The following SKAP2 variants were observed in gnomAD, a reference collection of about 807,000 sequenced individuals.
SKAP2 encodes src kinase-associated phosphoprotein 2.
In SKAP2, 28 loss-of-function variants were observed where a neutral mutation model predicts 54.9. That is an observed-to-expected ratio of 0.51 (90% CI 0.38 to 0.70). SKAP2 has a LOEUF of 0.70. Among genes scored for constraint, SKAP2 ranks in the 30% least tolerant of loss-of-function variants. The probability of loss-of-function intolerance (pLI) is 0.00; values close to 1 mark genes in which losing one functional copy is unlikely to be tolerated. For synonymous variants in SKAP2, 137 were observed against 134.3 expected (o/e 1.02, Z -0.14); for missense variants, 356 against 424.1 (o/e 0.84, Z 1.41).
intron 4 of SKAP2, among the ~76,000 whole-genome samples, chr7:26,795,996 G>C (rs1783770171): frequency 6.6e-6 from 1 of 152,090 alleles, no homozygotes; most frequent in Non-Finnish European, 1.5e-5. Context: ...AAAACTCAGA[G>C]ATGACCTGCA....
At chr7:26,804,908 A>G (rs572643430) in intron 4 of SKAP2, among the ~76,000 whole-genome samples, 1 of 152,364 alleles carries the variant, frequency 6.6e-6, no homozygotes, top group African/African-American at 2.4e-5. Flanking sequence ...AAAGATTAAC[A>G]GCCAATGTAT....
intron 4 of SKAP2, among the ~76,000 whole-genome samples, chr7:26,825,262 GT>G (rs1339249651): frequency 6.6e-6 from 1 of 152,032 alleles, no homozygotes; most frequent in Non-Finnish European, 1.5e-5. Context: ...ATTTTCCTAT[GT>G]ATCCTCCTTT....
intron 4 of SKAP2, among the ~76,000 whole-genome samples, chr7:26,826,909 T>C (rs1010172727): frequency 2.0e-5 from 3 of 152,180 alleles, no homozygotes; most frequent in Admixed American, 6.5e-5. Flanking sequence ...ACTACTTTTA[T>C]TTTAAAAATC....
At chr7:26,698,689 T>A (rs1438172184) in intron 9 of SKAP2, among the ~76,000 whole-genome samples, 4 of 152,230 alleles carry the variant, frequency 2.6e-5, no homozygotes, top group South Asian at 2.1e-4. Context: ...GCCATTTTTT[T>A]ATTCATGGAA....
At chr7:26,749,908 C>T (rs1782644889) in intron 4 of SKAP2, among the ~76,000 whole-genome samples, 1 of 150,174 alleles carries the variant, frequency 6.7e-6, no homozygotes, top group South Asian at 2.1e-4. Context: ...TTACAAATAA[C>T]AGCACTGCAA....
At chr7:26,696,476 G>T (rs1786897519) in intron 9 of SKAP2, among the ~76,000 whole-genome samples, 1 of 152,186 alleles carries the variant, frequency 6.6e-6, no homozygotes, top group Non-Finnish European at 1.5e-5. Context: ...TTTGAAGAAG[G>T]ATTTGGGGAA....
chr7:26,742,121 T>C (rs186831460), intron 4 of SKAP2, among the ~76,000 whole-genome samples: 21 of 152,272 alleles, frequency 1.4e-4, no homozygotes, highest in African/African-American at 4.8e-4. Context: ...TATAGGATTT[T>C]GTACATAAAA....
intron 4 of SKAP2, among the ~76,000 whole-genome samples, chr7:26,764,447 TAGATA>T (rs1206973264): frequency 1.3e-5 from 2 of 152,184 alleles, no homozygotes; most frequent in Non-Finnish European, 2.9e-5. Flanking sequence ...AGGCATAGAC[TAGATA>T]ATTTACAACC....
intron 4 of SKAP2, among the ~76,000 whole-genome samples, chr7:26,806,751 CA>C (rs1217234982): frequency 6.6e-6 from 1 of 152,174 alleles, no homozygotes; most frequent in Non-Finnish European, 1.5e-5. Flanking sequence ...AAATCAGTTA[CA>C]ACACTCCCTT....
intron 3 of SKAP2, among the ~76,000 whole-genome samples, chr7:26,849,319 A>G (rs1784990303): frequency 6.6e-6 from 1 of 152,206 alleles, no homozygotes; most frequent in Non-Finnish European, 1.5e-5. Flanking sequence ...AATTAGAGCA[A>G]AAAGATTTTA....
At chr7:26,827,237 G>T (rs1458749030) in intron 4 of SKAP2, among the ~76,000 whole-genome samples, 7 of 152,100 alleles carry the variant, frequency 4.6e-5, no homozygotes, top group African/African-American at 1.7e-4. Flanking sequence ...AGCATCTCTG[G>T]CATGAAATTA....
intron 6 of SKAP2, among the ~76,000 whole-genome samples, chr7:26,728,926 C>T (rs532830687): frequency 2.7e-4 from 41 of 152,214 alleles, no homozygotes; most frequent in African/African-American, 9.9e-4. Flanking sequence ...CTTCTACCTC[C>T]AATTTCGGTC....
At chr7:26,679,236 T>C (rs913140624) in intron 11 of SKAP2, among the ~76,000 whole-genome samples, 1 of 152,200 alleles carries the variant, frequency 6.6e-6, no homozygotes, top group African/African-American at 2.4e-5. Context: ...TAAGCACCTT[T>C]TGCTTTCATC....
intron 11 of SKAP2, among the ~76,000 whole-genome samples, chr7:26,675,932 C>T (rs754466618): frequency 1.9e-4 from 29 of 152,084 alleles, no homozygotes; most frequent in Non-Finnish European, 5.9e-5. Context: ...AATTCCAGTT[C>T]TTGGAAAAAA....
At chr7:26,723,301 G>A (rs2127954973) in intron 9 of SKAP2, among the ~76,000 whole-genome samples, 1 of 152,288 alleles carries the variant, frequency 6.6e-6, no homozygotes, top group South Asian at 2.1e-4. Flanking sequence ...GAACCGTGCA[G>A]ATGTTGAAGC....
chr7:26,683,199 A>G lies in SKAP2; in HGVS notation c.987+1537T>C, dbSNP rs111907304. Reference sequence around the variant, plus strand: ...ATATAAATTTAGGAATGATTCCAAGAAAGTTTCTTGACAGGAGCTGAAACT... The same window carrying G: ...ATATAAATTTAGGAATGATTCCAAGGAAGTTTCTTGACAGGAGCTGAAACT... On this transcript the variant is annotated intron_variant, in intron 11 of 12. Transcript: ENST00000345317. Among the ~76,000 whole-genome samples the G allele has an allele frequency of 1.9e-3, 282 of 152,352 alleles. 2 individuals are homozygous for G. Among genetic ancestry groups the G allele is most frequent in the African/African-American group, 6.4e-3 (267 of 41,594 alleles).
At chr7:26,764,433 T>A (rs532553369) in intron 4 of SKAP2, among the ~76,000 whole-genome samples, 7 of 152,274 alleles carry the variant, frequency 4.6e-5, no homozygotes, top group African/African-American at 1.7e-4. Context: ...ACTTATAAAA[T>A]GAGAGGCATA....
At chr7:26,784,918 G>T (rs1238962185) in intron 4 of SKAP2, among the ~76,000 whole-genome samples, 2 of 152,132 alleles carry the variant, frequency 1.3e-5, no homozygotes, top group Non-Finnish European at 2.9e-5. Context: ...ATATACAGAG[G>T]GGTGGGAAGC....
intron 3 of SKAP2, among the ~76,000 whole-genome samples, chr7:26,846,967 A>G (rs887688092): frequency 9.9e-5 from 15 of 152,208 alleles, no homozygotes; most frequent in African/African-American, 3.6e-4. Flanking sequence ...ACTGCACTCC[A>G]GCCTGGGCAA....
Sources: allele counts gnomAD v4.1 joint callset (sites outside exome capture counted in the v4.1 genomes callset), GRCh38; gene constraint gnomAD v4.1.1; transcripts MANE v1.5; gene names NCBI Gene and HGNC (gene_info 2026-07-23, HGNC 2026-07-21).